Variants in MYH10 observed in about 807,000 individuals in gnomAD.
MYH10 encodes the protein myosin heavy chain 10, also known as myosin-10.
In MYH10, 55 loss-of-function variants were observed where a neutral mutation model predicts 257.8. The ratio of observed to expected loss-of-function variants is 0.21; its 90% CI spans 0.17 to 0.27. MYH10 has a LOEUF of 0.27. Ranked by LOEUF, MYH10 falls within the 10% of genes least tolerant of loss-of-function variation. MYH10 has a pLI of 1.00. For missense variants in MYH10, 1,631 were observed against 2,500.6 expected (o/e 0.65, Z 7.42); for synonymous variants, 854 against 921.7 (o/e 0.93, Z 1.33).
intron 6 of MYH10, among the ~76,000 whole-genome samples, chr17:8,571,639 G>A (rs1004894025): frequency 2.0e-5 from 3 of 148,136 alleles, no homozygotes; most frequent in East Asian, 2.0e-4. Context: ...AAAATTAGCC[G>A]GGTGTGGTGG....
Position 8,509,837 on chromosome 17 carries a change from T to C in MYH10, c.3065A>G (p.Glu1022Gly). 1 of 1,609,592 alleles carries C rather than the reference T, an allele frequency of 6.2e-7. No individual in the cohort carries two copies. The part of the protein sequence containing the change: ...KKMEEEILLL[E>G]DQNSKFIKEK... ...TTTGATGAACTTGGAATTTTGGTCC[T>C]CGAGAAGCAGAATCTCCTCTTCCAT... Residue 1022 changes from glutamate (E) to glycine (G), a missense_variant, in exon 25 of 43, where the codon GAG becomes GGG. Around this residue, in one of 11 missense-constraint regions of MYH10, gnomAD observed 169 missense variants for 249.8 expected, o/e 0.68. Transcript: ENST00000360416.
intron 33 of MYH10, 84 bp from the exon 34 acceptor site, chr17:8,492,593 T>C: frequency 1.4e-6 from 2 of 1,393,696 alleles, no homozygotes; most frequent in Non-Finnish European, 9.6e-7. Flanking sequence ...GATTTATCGC[T>C]AGAGTGCTGC....
At chr17:8,500,723 G>A in intron 29 of MYH10, 103 bp downstream of exon 29, 2 of 1,382,246 alleles carry the variant, frequency 1.4e-6, no homozygotes, top group Middle Eastern at 2.7e-4. Context: ...ACAGAGGCTG[G>A]AGCCTAATCA....
intron 28 of MYH10, among the ~76,000 whole-genome samples, chr17:8,502,866 C>G (rs572478858): frequency 6.6e-6 from 1 of 152,260 alleles, no homozygotes; most frequent in South Asian, 2.1e-4. Flanking sequence ...CTATTGCAGT[C>G]AAAAGCCCAG....
At position 8,569,818 on chromosome 17, in the gene MYH10, A is replaced by G; in HGVS notation, c.664-6T>C. The G allele has an allele frequency of 6.2e-7, 1 of 1,600,874 alleles. No individual in the cohort carries two copies. Among genetic ancestry groups the G allele is most frequent in the Non-Finnish European group, 8.5e-7 (1 of 1,170,504 alleles). ...AGCTGCCGTTCAAGTTCCCCCTAAA[A>G]GACATTACACACACACAAATAAAAG... is the stretch of plus-strand genomic sequence containing the variant. On this transcript the variant is annotated splice_polypyrimidine_tract_variant and splice_region_variant and intron_variant, in intron 6 of 42. Transcript: ENST00000360416. This position sits in a 1 kb window ranked among gnomAD's most constrained non-coding sequence, Gnocchi z 4.1.
At position 8,500,711 on chromosome 17, in the gene MYH10, G is replaced by A. The variant is rs1741558559; in HGVS notation, c.3744+115C>T. On this transcript the variant is annotated intron_variant, in intron 29 of 42. Transcript: ENST00000360416. ...GGTACCCAGCAGCCCACTCAGTGACGTACAGAGGCTGGAGCCTAATCAATA... is the reference window on the plus strand; with the variant it reads ...GGTACCCAGCAGCCCACTCAGTGACATACAGAGGCTGGAGCCTAATCAATA... 7 of 1,299,766 alleles carry A rather than the reference G, an allele frequency of 5.4e-6. No homozygotes were observed. In the Admixed American group the frequency reaches 9.8e-5, roughly 18 times the overall value. The allele number at this position is 1,299,766 out of a possible 1,614,324, so 80.5% of individuals were successfully genotyped here.
chr17:8,569,659 C>T lies in MYH10; in HGVS notation c.756+61G>A. 1 of 1,179,324 alleles carries T rather than the reference C, an allele frequency of 8.5e-7. No individual in the cohort carries two copies. Among genetic ancestry groups the T allele is most frequent in the South Asian group, 1.6e-5 (1 of 64,488 alleles). The allele number at this position is 1,179,324 out of a possible 1,614,324, so 73.1% of individuals were successfully genotyped here. A position where few individuals can be genotyped will look rare whatever the true frequency, so the allele number is the denominator to read the frequency against. On this transcript the variant is annotated intron_variant, in intron 7 of 42. Coordinates refer to ENST00000360416, the MANE Select transcript of MYH10 (RefSeq NM_001256012.3). The surrounding 1 kb of genome is among the most constrained non-coding windows in gnomAD (Gnocchi z 4.1). ...AAGAAAAGTAATTCATTTGCTTAAT[C>T]ACAGTAAACATTTAACTAGAAATCT... is the stretch of plus-strand genomic sequence containing the variant.
intron 1 of MYH10, among the ~76,000 whole-genome samples, chr17:8,625,327 G>C (rs2085633366): frequency 6.6e-6 from 1 of 152,194 alleles, no homozygotes; most frequent in Non-Finnish European, 1.5e-5. Flanking sequence ...ATTACTTGTT[G>C]CAATGTAATG....
intron 7 of MYH10, among the ~76,000 whole-genome samples, chr17:8,556,534 T>C (rs1275671176): frequency 6.6e-6 from 1 of 152,214 alleles, no homozygotes; most frequent in East Asian, 1.9e-4. Context: ...ACATACTATA[T>C]GATTCCATGT....
Position 8,576,583 on chromosome 17 carries a change from T to C in MYH10, c.663+60A>G, listed in dbSNP as rs780712247. On this transcript the variant is annotated intron_variant, in intron 6 of 42. Coordinates refer to ENST00000360416, the MANE Select transcript of MYH10 (RefSeq NM_001256012.3). ...GCATTTGATTCTAGCAGAGACTCAA[T>C]CTACAGACAGAAATTAGTGCAAACA... 4.7e-6 allele frequency: 7 copies of C among 1,482,086 alleles called. No individual in the cohort carries two copies. The South Asian group carries it at 8.5e-5, about 18-fold the overall frequency. 91.8% of individuals were successfully genotyped at this position (1,482,086 alleles called of 1,614,324 possible). A position where few individuals can be genotyped will look rare whatever the true frequency, so the allele number is the denominator to read the frequency against.
chr17:8,628,124 T>C (rs1335573907), intron 1 of MYH10, among the ~76,000 whole-genome samples: 1 of 152,156 alleles, frequency 6.6e-6, no homozygotes, highest in East Asian at 1.9e-4. Context: ...CTGGCAAAGG[T>C]TTTATATATT....
Position 8,576,819 on chromosome 17 carries a change from C to G in MYH10, c.634-147G>C, listed in dbSNP as rs926791351. ...CGTTCTCTCAGGCTGTATTAACTAC[C>G]ACTTCTGCATGTCTAAAAATTAAGG... On this transcript the variant is annotated intron_variant, in intron 5 of 42. Coordinates refer to ENST00000360416, the MANE Select transcript of MYH10 (RefSeq NM_001256012.3). 5.9e-6 allele frequency: 4 copies of G among 676,556 alleles called. No homozygotes were observed. The African/African-American group carries it at 7.2e-5, about 12-fold the overall frequency. The allele number at this position is 676,556 out of a possible 1,614,324, so 41.9% of individuals were successfully genotyped here.
chr17:8,480,613 C>T (rs746876566), intron 38 of MYH10, 88 bp from the exon 39 acceptor site: 2 of 1,546,284 alleles, frequency 1.3e-6, no homozygotes, highest in Non-Finnish European at 8.7e-7. Context: ...CACCCTGTTG[C>T]TGGAAACCTG....
At chr17:8,555,852 A>T (rs2082774907) in intron 7 of MYH10, among the ~76,000 whole-genome samples, 2 of 151,870 alleles carry the variant, frequency 1.3e-5, no homozygotes, top group Non-Finnish European at 2.9e-5. Context: ...AATGAAGAGA[A>T]GCCACAAACT....
Position 8,481,382 on chromosome 17 carries a change from C to T in MYH10, c.5204G>A (p.Arg1735Gln), listed in dbSNP as rs150261129. The T allele has an allele frequency of 7.1e-5, 114 of 1,613,970 alleles. No homozygotes were observed. The highest frequency in any genetic ancestry group is 9.2e-5 in the Non-Finnish European group (108 of 1,180,028). The change falls in exon 38 of 43, where the codon CGA becomes CAA. Residue 1735 changes from arginine (R) to glutamine (Q), a missense_variant. This residue lies in a region of MYH10 where 343 missense variants were observed against 389.5 expected (regional missense o/e 0.88). Transcript: ENST00000360416. ...CTCATCTCTCTCCTGCTCGGCGTGTCGGCGGGCTCGCTCAGATGAGGCAAG... is the reference window on the plus strand; with the variant it reads ...CTCATCTCTCTCCTGCTCGGCGTGTTGGCGGGCTCGCTCAGATGAGGCAAG... ...EELASSERAR[R>Q]HAEQERDELA...
At position 8,535,401 on chromosome 17, in the gene MYH10, T is replaced by C; in HGVS notation, c.1880A>G (p.Glu627Gly). 6.2e-7 allele frequency: 1 copy of C among 1,613,560 alleles called. No homozygotes were observed. ...CACTTTCTTACCATCTTTCCAAAGC[T>C]CTGCCACAAATCTGTCTGATGACTG... ...LHQSSDRFVAELWKDEIQNIQ... is the reference protein window; with the variant it reads ...LHQSSDRFVAGLWKDEIQNIQ... Residue 627 changes from glutamate to glycine, a missense_variant, in exon 16 of 43, where the codon GAG (glutamate) becomes GGG (glycine). Transcript: ENST00000360416. The surrounding 1 kb of genome is among the most constrained non-coding windows in gnomAD (Gnocchi z 4.3).
In MYH10 at chr17:8,481,669, C is replaced by T. The variant is rs556248632; in HGVS notation, c.5176-259G>A. 3.9e-5 allele frequency among the ~76,000 whole-genome samples: 6 copies of T among 152,164 alleles called. No homozygotes were observed. The South Asian group carries it at 8.3e-4, about 21-fold the overall frequency. ...ATAAGGGCTTTGCTGTCACCTCCAA[C>T]GTAAGAGGTGGCTATGTTCCTGCCC... On this transcript the variant is annotated intron_variant, in intron 37 of 42. Transcript: ENST00000360416.
intron 1 of MYH10, among the ~76,000 whole-genome samples, chr17:8,629,850 C>T (rs1034890416): frequency 6.6e-6 from 1 of 151,898 alleles, no homozygotes; most frequent in Non-Finnish European, 1.5e-5. Flanking sequence ...AGGCGCTCCA[C>T]GGAGGGCGCG....
intron 9 of MYH10, among the ~76,000 whole-genome samples, chr17:8,550,704 G>A (rs1484410314): frequency 6.6e-6 from 1 of 152,098 alleles, no homozygotes; most frequent in Non-Finnish European, 1.5e-5. Context: ...GGAGAGGCGG[G>A]AGGGGTGGGG....
Sources: allele counts gnomAD v4.1 joint callset (sites outside exome capture counted in the v4.1 genomes callset), GRCh38; gene constraint gnomAD v4.1.1; regional missense constraint gnomAD v4.1.1; non-coding constraint Gnocchi (gnomAD v3.1); transcripts MANE v1.5; gene names NCBI Gene and HGNC (gene_info 2026-07-23, HGNC 2026-07-21).